ENTHD1: variants seen among roughly 807,000 people sequenced by gnomAD.
ENTHD1 encodes the protein ENTH domain containing 1.
Under a neutral mutation model 39.1 loss-of-function variants are expected in ENTHD1, and 23 were observed. The observed-to-expected ratio is 0.59, with a 90% confidence interval of 0.42 to 0.83. The LOEUF (loss-of-function observed/expected upper bound fraction) is 0.83. ENTHD1 is among the 40% of genes least tolerant of loss of function. ENTHD1 has a pLI of 0.00. For missense variants in ENTHD1, 624 were observed against 705.4 expected, an observed-to-expected ratio of 0.88 and a Z score of 1.31; for synonymous variants, 230 against 258.2, an observed-to-expected ratio of 0.89 and a Z score of 1.05.
rs1321478436 is a variant in ENTHD1, at chr22:39,743,484, G to A, written c.*195C>T. 1.8e-6 allele frequency: 1 copy of A among 550,518 alleles called. No individual in the cohort carries two copies. The highest frequency in any genetic ancestry group is 3.0e-6 in the Non-Finnish European group (1 of 335,462). The allele number at this position is 550,518 out of a possible 1,614,324, so 34.1% of individuals were successfully genotyped here. A position where few individuals can be genotyped will look rare whatever the true frequency, so the allele number is the denominator to read the frequency against. ...ATATCTAAATCTGAAATTATCAAAG[G>A]TGACATCTTTCCCTTTTAAAAAATA... On this transcript the variant is annotated 3_prime_UTR_variant, in exon 7 of 7. Coordinates refer to ENST00000325157, the MANE Select transcript of ENTHD1 (RefSeq NM_152512.4).
At chr22:39,744,929 G>A (rs2062206263) in intron 6 of ENTHD1, among the ~76,000 whole-genome samples, 1 of 151,876 alleles carries the variant, frequency 6.6e-6, no homozygotes, top group African/African-American at 2.4e-5. Flanking sequence ...ACATATTTGG[G>A]AAAGTTTTTA....
rs955848444 is a variant in ENTHD1 at position 39,743,579 on chromosome 22, TC to T, written c.*99del. 2.3e-6 allele frequency: 3 copies of T among 1,329,668 alleles called. No individual in the cohort carries two copies. In the African/African-American group the frequency reaches 4.5e-5, roughly 20 times the overall value. 82.4% of individuals were successfully genotyped at this position (1,329,668 alleles called of 1,614,324 possible). A position where few individuals can be genotyped will look rare whatever the true frequency, so the allele number is the denominator to read the frequency against. ...AACCTGACAAGGAAAAATTAAACCA[TC>T]CCCTTTTTTGCCATAATAATATGAA... On this transcript the variant is annotated 3_prime_UTR_variant, in exon 7 of 7. Transcript: ENST00000325157.
At chr22:39,832,671 G>T (rs1601626344) in intron 4 of ENTHD1, among the ~76,000 whole-genome samples, 1 of 152,258 alleles carries the variant, frequency 6.6e-6, no homozygotes, top group East Asian at 1.9e-4. Context: ...TCCTGCTTCT[G>T]GTTCTGGTGG....
intron 6 of ENTHD1, among the ~76,000 whole-genome samples, chr22:39,757,618 A>C (rs1380542090): frequency 6.6e-6 from 1 of 151,970 alleles, no homozygotes; most frequent in East Asian, 1.9e-4. Context: ...TAGAGGTTGC[A>C]GTGAGCCAAG....
chr22:39,842,746 C>G (rs2065954718), intron 3 of ENTHD1, among the ~76,000 whole-genome samples: 1 of 150,434 alleles, frequency 6.6e-6, no homozygotes, highest in Non-Finnish European at 1.5e-5. Context: ...CTACAATGAA[C>G]TCAAACAAAT....
chr22:39,827,237 G>C (rs918647706), intron 4 of ENTHD1, among the ~76,000 whole-genome samples: 1 of 151,940 alleles, frequency 6.6e-6, no homozygotes, highest in Non-Finnish European at 1.5e-5. Context: ...GGATGGTCTC[G>C]ATCTTCTGAC....
Position 39,861,827 on chromosome 22 carries a change from G to A in ENTHD1, c.530C>T (p.Pro177Leu), listed in dbSNP as rs148548476. 1.2e-4 allele frequency: 188 copies of A among 1,596,146 alleles called. 1 individual carries two copies. The highest frequency in any genetic ancestry group is 8.7e-5 in the Non-Finnish European group (102 of 1,168,650). The change falls in exon 3 of 7, where the codon CCG becomes CTG. Residue 177 changes from proline (P) to leucine (L), a missense_variant. Physicochemically the swap from Pro to Leu is moderately conservative, Grantham distance 98. Coordinates refer to ENST00000325157, the MANE Select transcript of ENTHD1 (RefSeq NM_152512.4). The stretch of plus-strand genomic sequence containing the variant: ...CTTCTTCTCTGAAGCAGAAATATCC[G>A]GTGTGGGGGCAGAAGTGCACGCTGT... ...SLTACTSAPTPDISASEKKYK... is the reference protein window; with the variant it reads ...SLTACTSAPTLDISASEKKYK...
At chr22:39,755,901 G>A (rs894021324) in intron 6 of ENTHD1, among the ~76,000 whole-genome samples, 5 of 152,140 alleles carry the variant, frequency 3.3e-5, no homozygotes, top group African/African-American at 1.2e-4. Context: ...CCTGCAAGAG[G>A]TCAGGTGTCT....
intron 5 of ENTHD1, among the ~76,000 whole-genome samples, chr22:39,795,580 A>G (rs1397854273): frequency 2.0e-5 from 3 of 147,252 alleles, no homozygotes; most frequent in African/African-American, 7.6e-5. Context: ...GGCACATGCC[A>G]CCATGCCTGG....
intron 2 of ENTHD1, among the ~76,000 whole-genome samples, chr22:39,868,489 G>A (rs531405700): frequency 6.6e-6 from 1 of 152,092 alleles, no homozygotes; most frequent in South Asian, 2.1e-4. Context: ...AATGAAATCA[G>A]CAATCTATGT....
chr22:39,848,453 C>T (rs1310339603), intron 3 of ENTHD1, among the ~76,000 whole-genome samples: 2 of 152,044 alleles, frequency 1.3e-5, no homozygotes, highest in Non-Finnish European at 2.9e-5. Flanking sequence ...AGGGTTTCAC[C>T]ATGTTGGCCA....
chr22:39,865,065 A>G (rs2066172548), intron 2 of ENTHD1, among the ~76,000 whole-genome samples: 1 of 152,170 alleles, frequency 6.6e-6, no homozygotes. Flanking sequence ...AATTTCTTGT[A>G]ACACTGCTCT....
intron 3 of ENTHD1, among the ~76,000 whole-genome samples, chr22:39,855,140 T>C (rs745566837): frequency 6.6e-6 from 1 of 152,222 alleles, no homozygotes; most frequent in Non-Finnish European, 1.5e-5. Context: ...ATCTCCTTCA[T>C]TTCTACACAA....
At position 39,798,376 on chromosome 22, in the gene ENTHD1, G is replaced by C. The variant is rs78982795; in HGVS notation, c.832+22617C>G. On this transcript the variant is annotated intron_variant, in intron 5 of 6. Transcript: ENST00000325157. ...TGATTTCTTTGTATTGTTAAGTATT[G>C]GATTGGCTTTTGTAGGTGAAGACTT... 5.4e-3 allele frequency among the ~76,000 whole-genome samples: 826 copies of C among 152,054 alleles called. 8 individuals are homozygous for C. Among genetic ancestry groups the C allele is most frequent in the Middle Eastern group, 0.02 (6 of 294 alleles).
At chr22:39,873,487 C>T (rs1292377622) in intron 2 of ENTHD1, among the ~76,000 whole-genome samples, 1 of 152,112 alleles carries the variant, frequency 6.6e-6, no homozygotes, top group East Asian at 1.9e-4. Flanking sequence ...GTTTAGTATA[C>T]TAATAGCATA....
chr22:39,801,998 T>C (rs527999668), intron 5 of ENTHD1, among the ~76,000 whole-genome samples: 1 of 152,316 alleles, frequency 6.6e-6, no homozygotes, highest in African/African-American at 2.4e-5. Context: ...ATGTTTAATA[T>C]TCCCAGAAGA....
At chr22:39,833,305 A>T (rs1177397563) in intron 4 of ENTHD1, among the ~76,000 whole-genome samples, 1 of 152,148 alleles carries the variant, frequency 6.6e-6, no homozygotes, top group East Asian at 1.9e-4. Context: ...AGCAATACTT[A>T]AAAAAAGCAG....
intron 3 of ENTHD1, among the ~76,000 whole-genome samples, chr22:39,844,794 T>C (rs192535214): frequency 2.3e-3 from 355 of 152,222 alleles, no homozygotes; most frequent in Non-Finnish European, 2.7e-3. Flanking sequence ...TTCCCACTTA[T>C]GACGGAGGAG....
intron 2 of ENTHD1, 83 bp downstream of exon 2, chr22:39,887,317 T>C (rs1204000163): frequency 4.1e-6 from 5 of 1,213,916 alleles, no homozygotes; most frequent in Non-Finnish European, 2.3e-6. Context: ...GCTCATGCAG[T>C]CCTCCCACCT....
Sources: allele counts gnomAD v4.1 joint callset (sites outside exome capture counted in the v4.1 genomes callset), GRCh38; gene constraint gnomAD v4.1.1; transcripts MANE v1.5; gene names NCBI Gene and HGNC (gene_info 2026-07-23, HGNC 2026-07-21).